The following OPN3 variants were observed in gnomAD, a reference collection of about 807,000 sequenced individuals.
OPN3 encodes opsin 3, also known as opsin-3.
OPN3 carries 29 observed loss-of-function variants against 33.8 expected under a neutral mutation model. The observed-to-expected ratio is 0.86, with a 90% CI of 0.64 to 1.17. The LOEUF (loss-of-function observed/expected upper bound fraction) is 1.17. Among genes scored for constraint, OPN3 ranks in the 50% most tolerant of loss-of-function variants. The pLI is 0.00. For synonymous variants in OPN3, 216 were observed against 216.1 expected, an observed-to-expected ratio of 1.00 and a Z score of 0.00; for missense variants, 437 against 514.1, an observed-to-expected ratio of 0.85 and a Z score of 1.45.
chr1:241,610,885 CA>C (rs1197057183), intron 1 of OPN3, among the ~76,000 whole-genome samples: 1 of 152,140 alleles, frequency 6.6e-6, no homozygotes, highest in Non-Finnish European at 1.5e-5. Flanking sequence ...TCAATTTGCT[CA>C]CCAGTAAAAC....
chr1:241,604,768 C>T (rs900834592), intron 1 of OPN3, among the ~76,000 whole-genome samples, 189 bp from the exon 2 acceptor site: 1 of 152,094 alleles, frequency 6.6e-6, no homozygotes, highest in African/African-American at 2.4e-5. Flanking sequence ...ATAAAAGGAA[C>T]CACAGAAGGG....
chr1:241,630,521 A>T (rs542436785), intron 1 of OPN3: 1 of 152,198 alleles, frequency 6.6e-6, no homozygotes, highest in South Asian at 2.1e-4. Context: ...TTTTTATACT[A>T]TAAGTTTTAG....
rs150890234 is a variant in OPN3, at chr1:241,634,777, T to C, written c.373+5105A>G. 3 of 1,613,856 alleles carry C rather than the reference T, an allele frequency of 1.9e-6. No individual in the cohort carries two copies. The African/African-American group carries it at 4.0e-5, about 22-fold the overall frequency. Reference sequence around the variant, plus strand: ...CAAAATGTTGAAGGTTGGGAGTTAGTTTTTTAGTTTTTAAGTATTCTGAAA... The same window carrying C: ...CAAAATGTTGAAGGTTGGGAGTTAGCTTTTTAGTTTTTAAGTATTCTGAAA... On this transcript the variant is annotated intron_variant, in intron 1 of 3. Transcript: ENST00000366554.
chr1:241,607,731 G>GGA (rs1449130496), intron 1 of OPN3, among the ~76,000 whole-genome samples: 1 of 131,644 alleles, frequency 7.6e-6, no homozygotes, highest in African/African-American at 3.1e-5. Flanking sequence ...GAAGAGAAAG[G>GGA]AGGGAAGGAA....
chr1:241,594,716 A>G, intron 3 of OPN3, 25 bp from the exon 4 acceptor site: 1 of 1,601,662 alleles, frequency 6.2e-7, no homozygotes, highest in Non-Finnish European at 8.5e-7. Flanking sequence ...AATAAAGTGG[A>G]ATATTAAGTA....
chr1:241,607,172 C>T (rs559420736), intron 1 of OPN3, among the ~76,000 whole-genome samples: 3 of 152,000 alleles, frequency 2.0e-5, no homozygotes, highest in African/African-American at 7.2e-5. Flanking sequence ...CTCAAGTGAC[C>T]GGAAGAAGAT....
chr1:241,623,609 CCT>C (rs1221955854), intron 1 of OPN3, among the ~76,000 whole-genome samples: 2 of 152,178 alleles, frequency 1.3e-5, no homozygotes, highest in African/African-American at 4.8e-5. Context: ...TTCCTCAAAC[CCT>C]GTTTCCAGTT....
chr1:241,635,433 T>C, intron 1 of OPN3: 1 of 1,614,024 alleles, frequency 6.2e-7, no homozygotes, highest in East Asian at 2.2e-5. Flanking sequence ...TCTTCAACGT[T>C]GTCCTCCATA....
At chr1:241,599,571 T>C (rs555546927) in intron 2 of OPN3, among the ~76,000 whole-genome samples, 13 of 152,302 alleles carry the variant, frequency 8.5e-5, no homozygotes, top group Admixed American at 8.5e-4. Flanking sequence ...TGTGCAATTC[T>C]ATTTTAAAAG....
chr1:241,639,922 G>C lies in OPN3; in HGVS notation c.333C>G (p.Thr111=), dbSNP rs765723647. The change falls in exon 1 of 4, where the codon ACC becomes ACG. Residue 111 remains threonine, a synonymous_variant. Transcript: ENST00000366554. ...TAAACCCGTCCCACACGCAGCCCAC[G>C]GTGTCCCACACCCAGCCGTTCCTCA... The part of the protein sequence containing the change: ...SCLRNGWVWD[T]VGCVWDGFSG... The C allele has an allele frequency of 6.2e-7, 1 of 1,603,944 alleles. No individual in the cohort carries two copies. Among genetic ancestry groups the C allele is most frequent in the East Asian group, 2.3e-5 (1 of 43,618 alleles).
chr1:241,638,618 C>A (rs1389989519), intron 1 of OPN3, among the ~76,000 whole-genome samples: 2 of 152,080 alleles, frequency 1.3e-5, no homozygotes, highest in Non-Finnish European at 2.9e-5. Context: ...CATACCACAG[C>A]CTACATACAC....
chr1:241,604,986 G>A (rs1184334428), intron 1 of OPN3, among the ~76,000 whole-genome samples: 2 of 151,458 alleles, frequency 1.3e-5, no homozygotes, highest in African/African-American at 4.9e-5. Flanking sequence ...GCCCAGAGAG[G>A]TCGAGGTTGC....
intron 1 of OPN3, among the ~76,000 whole-genome samples, chr1:241,627,640 G>GTAC (rs1226408791): frequency 6.6e-6 from 1 of 152,174 alleles, no homozygotes; most frequent in Admixed American, 6.5e-5. Context: ...CTCAGCTTTT[G>GTAC]TACTGTTCGT....
At chr1:241,626,672 C>A (rs1664426909) in intron 1 of OPN3, among the ~76,000 whole-genome samples, 1 of 152,128 alleles carries the variant, frequency 6.6e-6, no homozygotes, top group African/African-American at 2.4e-5. Flanking sequence ...GTTACACAAG[C>A]TTTAACTGTA....
chr1:241,604,935 G>A (rs910035618), intron 1 of OPN3, among the ~76,000 whole-genome samples: 4 of 151,636 alleles, frequency 2.6e-5, no homozygotes, highest in Non-Finnish European at 5.9e-5. Flanking sequence ...TACGCCTGTG[G>A]TCCCAGCTAC....
At chr1:241,610,860 T>C (rs2148006503) in intron 1 of OPN3, among the ~76,000 whole-genome samples, 1 of 152,324 alleles carries the variant, frequency 6.6e-6, no homozygotes, top group Non-Finnish European at 1.5e-5. Flanking sequence ...GAAAATTAAT[T>C]AACATCCCAG....
At chr1:241,635,448 G>C in intron 1 of OPN3, 1 of 1,613,834 alleles carries the variant, frequency 6.2e-7, no homozygotes, top group Non-Finnish European at 8.5e-7. Flanking sequence ...TCCATATCCT[G>C]ACTGGCGTAG....
intron 2 of OPN3, among the ~76,000 whole-genome samples, chr1:241,599,983 G>C (rs190348196): frequency 6.6e-6 from 1 of 152,274 alleles, no homozygotes; most frequent in Non-Finnish European, 1.5e-5. Flanking sequence ...ACTCTTCAGA[G>C]TTTCAATTAA....
intron 1 of OPN3, chr1:241,633,727 T>C: frequency 6.5e-7 from 1 of 1,533,176 alleles, no homozygotes; most frequent in Non-Finnish European, 8.9e-7. Flanking sequence ...TATGGGAAAC[T>C]GTCCTTTAAA....
Sources: allele counts gnomAD v4.1 joint callset (sites outside exome capture counted in the v4.1 genomes callset), GRCh38; gene constraint gnomAD v4.1.1; transcripts MANE v1.5; gene names NCBI Gene and HGNC (gene_info 2026-07-23, HGNC 2026-07-21).